Variants in COL22A1 observed in about 807,000 individuals in gnomAD.
COL22A1 encodes the protein collagen alpha-1(XXII) chain.
A neutral mutation model predicts 248.9 loss-of-function variants in COL22A1; 221 were observed. That is an observed-to-expected ratio of 0.89 (90% CI 0.80 to 0.99). COL22A1 has a LOEUF of 0.99. Ranked by LOEUF, COL22A1 falls within the 50% of genes least tolerant of loss-of-function variation. The pLI is 0.00. For synonymous variants in COL22A1, 891 were observed against 793.4 expected (o/e 1.12, Z -2.07); for missense variants, 2,240 against 2,179.0 (o/e 1.03, Z -0.56).
At chr8:138,856,934 T>A (rs1822075648) in intron 3 of COL22A1, among the ~76,000 whole-genome samples, 1 of 152,118 alleles carries the variant, frequency 6.6e-6, no homozygotes. Context: ...TTGGTGTGCC[T>A]GGGACAAATG....
intron 43 of COL22A1, 53 bp from the exon 44 acceptor site, chr8:138,660,533 C>A: frequency 6.7e-7 from 1 of 1,485,778 alleles, no homozygotes; most frequent in South Asian, 1.1e-5. Context: ...CGATCCTGAC[C>A]CACTCTACCC....
intron 12 of COL22A1, among the ~76,000 whole-genome samples, chr8:138,784,611 AC>A (rs1180630010): frequency 5.3e-5 from 8 of 152,240 alleles, no homozygotes; most frequent in African/African-American, 1.9e-4. Context: ...GGCAGAACCA[AC>A]AGTCAGAGTA....
intron 63 of COL22A1, among the ~76,000 whole-genome samples, chr8:138,592,840 G>A (rs1056584303): frequency 1.6e-4 from 24 of 151,944 alleles, no homozygotes; most frequent in African/African-American, 2.4e-5. Context: ...TTTGAAAGCA[G>A]GCAAGCTTAA....
intron 25 of COL22A1, among the ~76,000 whole-genome samples, chr8:138,724,075 A>C (rs2131159561): frequency 6.6e-6 from 1 of 152,252 alleles, no homozygotes; most frequent in African/African-American, 2.4e-5. Context: ...GTCTCAGCCC[A>C]CGTCATCCAT....
chr8:138,673,498 C>A (rs1825233161), intron 41 of COL22A1, among the ~76,000 whole-genome samples: 2 of 152,188 alleles, frequency 1.3e-5, no homozygotes, highest in South Asian at 4.1e-4. Flanking sequence ...CATGAGCCAC[C>A]ATGCCCGGCC....
intron 1 of COL22A1, among the ~76,000 whole-genome samples, chr8:138,888,851 C>T (rs918536353): frequency 6.6e-6 from 1 of 152,070 alleles, no homozygotes; most frequent in African/African-American, 2.4e-5. Flanking sequence ...TGCCTAGCAC[C>T]TAGAACAGCT....
chr8:138,635,172 TAACA>T (rs1689121052), intron 48 of COL22A1, 109 bp from the exon 49 acceptor site: 1 of 869,840 alleles, frequency 1.1e-6, no homozygotes, highest in South Asian at 1.8e-5. Context: ...CCAACCCTAC[TAACA>T]ATTTTGCTTA....
intron 1 of COL22A1, among the ~76,000 whole-genome samples, chr8:138,890,581 G>A (rs1824991595): frequency 6.6e-6 from 1 of 152,080 alleles, no homozygotes; most frequent in African/African-American, 2.4e-5. Context: ...CCAAGTAGCT[G>A]TGACTACAGG....
intron 15 of COL22A1, among the ~76,000 whole-genome samples, chr8:138,777,665 A>T (rs955646682): frequency 6.6e-6 from 1 of 152,148 alleles, no homozygotes; most frequent in Non-Finnish European, 1.5e-5. Context: ...GATGGTTTCC[A>T]GCTTCATCCA....
At chr8:138,649,870 C>A in intron 45 of COL22A1, 92 bp from the exon 46 acceptor site, 1 of 725,166 alleles carries the variant, frequency 1.4e-6, no homozygotes, top group East Asian at 2.8e-5. Context: ...GCTATCTCTC[C>A]AGATGGAGAT....
At chr8:138,726,626 G>A (rs963189903) in intron 23 of COL22A1, among the ~76,000 whole-genome samples, 2 of 152,168 alleles carry the variant, frequency 1.3e-5, no homozygotes, top group Non-Finnish European at 2.9e-5. Context: ...CACTCAGAGG[G>A]ATGAAGGCAA....
At chr8:138,891,210 A>C (rs940089890) in intron 1 of COL22A1, among the ~76,000 whole-genome samples, 1 of 152,230 alleles carries the variant, frequency 6.6e-6, no homozygotes, top group Non-Finnish European at 1.5e-5. Context: ...CCTAAATAAG[A>C]AGAAAGATAT....
intron 41 of COL22A1, among the ~76,000 whole-genome samples, chr8:138,674,306 C>T (rs1349780108): frequency 6.6e-6 from 1 of 152,112 alleles, no homozygotes; most frequent in African/African-American, 2.4e-5. Context: ...CAACTGCATC[C>T]CCAGTGAACT....
chr8:138,783,984 T>C (rs10283245), intron 12 of COL22A1, among the ~76,000 whole-genome samples: 47,410 of 152,046 alleles, frequency 0.31, 8,271 homozygotes, highest in African/African-American at 0.47. Flanking sequence ...CTGCTGCTTC[T>C]CAGAGCCTCA....
intron 41 of COL22A1, 77 bp from the exon 42 acceptor site, chr8:138,663,817 T>A: frequency 8.8e-7 from 1 of 1,141,072 alleles, no homozygotes; most frequent in Non-Finnish European, 1.3e-6. Flanking sequence ...GTTTATTCCA[T>A]AGACAGGTCC....
chr8:138,740,382 C>T (rs528999446), intron 22 of COL22A1, among the ~76,000 whole-genome samples: 5 of 152,214 alleles, frequency 3.3e-5, no homozygotes, highest in East Asian at 1.9e-4. Flanking sequence ...ATTAAGATGC[C>T]GTTGTGGTCG....
At chr8:138,856,500 C>CAG (rs771503806) in intron 3 of COL22A1, among the ~76,000 whole-genome samples, 2 of 146,226 alleles carry the variant, frequency 1.4e-5, no homozygotes, top group Non-Finnish European at 3.0e-5. Flanking sequence ...GCGAGAGAGA[C>CAG]AGAGAGAGAG....
At chr8:138,794,292 C>A (rs1411818973) in intron 12 of COL22A1, among the ~76,000 whole-genome samples, 1 of 151,634 alleles carries the variant, frequency 6.6e-6, no homozygotes, top group Admixed American at 6.6e-5. Flanking sequence ...GAGGCTGAGG[C>A]AGGAGAATCA....
chr8:138,774,783 C>T (rs1814257526), intron 16 of COL22A1, among the ~76,000 whole-genome samples: 1 of 152,152 alleles, frequency 6.6e-6, no homozygotes, highest in African/African-American at 2.4e-5. Flanking sequence ...GGAATGGGTA[C>T]CTGAATTATG....
Sources: allele counts gnomAD v4.1 joint callset (sites outside exome capture counted in the v4.1 genomes callset), GRCh38; gene constraint gnomAD v4.1.1; transcripts MANE v1.5; gene names NCBI Gene and HGNC (gene_info 2026-07-23, HGNC 2026-07-21).